MBOAT2: variants seen among roughly 807,000 people sequenced by gnomAD.
MBOAT2 encodes membrane bound glycerophospholipid O-acyltransferase 2.
A neutral mutation model predicts 63.4 loss-of-function variants in MBOAT2; 28 were observed. That is an observed-to-expected ratio of 0.44 (90% CI 0.33 to 0.61). The LOEUF is 0.61. Among genes scored for constraint, MBOAT2 ranks in the 20% least tolerant of loss-of-function variants. The pLI is 0.03. For synonymous variants in MBOAT2, 211 were observed against 215.6 expected, an observed-to-expected ratio of 0.98 and a Z score of 0.19; for missense variants, 470 against 605.8, an observed-to-expected ratio of 0.78 and a Z score of 2.35.
At chr2:8,999,935 C>T (rs139450613) in intron 1 of MBOAT2, among the ~76,000 whole-genome samples, 30 of 152,288 alleles carry the variant, frequency 2.0e-4, no homozygotes, top group African/African-American at 6.3e-4. Context: ...TTAAGCAACC[C>T]AGGAGTCTAA....
intron 6 of MBOAT2, among the ~76,000 whole-genome samples, chr2:8,882,197 CA>C: frequency 6.6e-6 from 1 of 152,216 alleles, no homozygotes; most frequent in East Asian, 1.9e-4. Flanking sequence ...ACATGGCAGA[CA>C]TGAAGACAAT....
intron 1 of MBOAT2, among the ~76,000 whole-genome samples, chr2:8,982,266 G>A (rs1413911373): frequency 6.6e-6 from 1 of 152,144 alleles, no homozygotes; most frequent in South Asian, 2.1e-4. Flanking sequence ...TGAGTAAGAC[G>A]AGTAGGTAAG....
intron 2 of MBOAT2, among the ~76,000 whole-genome samples, chr2:8,950,517 T>A (rs1176496886): frequency 6.6e-6 from 1 of 152,152 alleles, no homozygotes; most frequent in Non-Finnish European, 1.5e-5. Flanking sequence ...AAGCTCCGCC[T>A]CCCGGGTTCA....
At chr2:8,873,499 A>C (rs1662490334) in intron 7 of MBOAT2, among the ~76,000 whole-genome samples, 199 bp from the exon 8 acceptor site, 2 of 152,182 alleles carry the variant, frequency 1.3e-5, no homozygotes, top group Non-Finnish European at 2.9e-5. Flanking sequence ...TGTATCTATA[A>C]GTACTACCTA....
At chr2:8,960,760 C>T (rs1263754023) in intron 1 of MBOAT2, among the ~76,000 whole-genome samples, 3 of 152,184 alleles carry the variant, frequency 2.0e-5, no homozygotes, top group Admixed American at 6.5e-5. Flanking sequence ...TCAGGCCTCA[C>T]ACTGGACACT....
intron 1 of MBOAT2, among the ~76,000 whole-genome samples, chr2:8,995,791 C>T (rs994325540): frequency 1.3e-5 from 2 of 152,136 alleles, no homozygotes; most frequent in Non-Finnish European, 2.9e-5. Flanking sequence ...CGGGGTTTCA[C>T]CGTGTTAGCC....
rs1411430647 is a variant in MBOAT2, at chr2:8,907,651, T to C, written c.395+970A>G. ...TCCCAATTCCACTCAATAGCTTCGA[T>C]TAACTAGTTTTTTAGTGCATTTAAA... On this transcript the variant is annotated intron_variant, in intron 4 of 12. Coordinates refer to ENST00000305997, the MANE Select transcript of MBOAT2 (RefSeq NM_138799.4). Among the ~76,000 whole-genome samples the C allele has an allele frequency of 1.6e-4, 24 of 152,246 alleles. 1 individual carries two copies. Among genetic ancestry groups the C allele is most frequent in the Admixed American group, 1.6e-3 (24 of 15,292 alleles).
intron 1 of MBOAT2, among the ~76,000 whole-genome samples, chr2:8,996,402 G>A (rs944562025): frequency 6.6e-6 from 1 of 152,194 alleles, no homozygotes; most frequent in Non-Finnish European, 1.5e-5. Flanking sequence ...TCATATTGAA[G>A]CAACCCTAAC....
chr2:8,939,174 T>A (rs16866852), intron 3 of MBOAT2, among the ~76,000 whole-genome samples: 7,472 of 152,290 alleles, frequency 0.049, 185 homozygotes, highest in Middle Eastern at 0.061. Flanking sequence ...AGTGAATGAA[T>A]CTTTCTACTA....
At chr2:8,895,487 G>A (rs1305137801) in intron 4 of MBOAT2, among the ~76,000 whole-genome samples, 4 of 152,090 alleles carry the variant, frequency 2.6e-5, no homozygotes, top group Admixed American at 6.6e-5. Context: ...CACCCAATTA[G>A]CTAGACACAG....
chr2:8,951,298 G>A (rs1272892356), intron 2 of MBOAT2, among the ~76,000 whole-genome samples: 2 of 151,184 alleles, frequency 1.3e-5, no homozygotes, highest in African/African-American at 4.9e-5. Context: ...TCTGTCTCCT[G>A]AGCTCAAGCA....
chr2:8,916,580 C>A (rs748685898), intron 3 of MBOAT2, among the ~76,000 whole-genome samples: 41 of 152,128 alleles, frequency 2.7e-4, no homozygotes, highest in Non-Finnish European at 5.7e-4. Flanking sequence ...AAAACGAATT[C>A]TTCTCAAAAA....
intron 12 of MBOAT2, among the ~76,000 whole-genome samples, chr2:8,860,208 T>A (rs1450425076): frequency 6.6e-6 from 1 of 152,068 alleles, no homozygotes; most frequent in African/African-American, 2.4e-5. Context: ...AAAAGATAAT[T>A]AATAATTCTT....
intron 2 of MBOAT2, among the ~76,000 whole-genome samples, chr2:8,955,840 C>G (rs1476771827): frequency 6.6e-6 from 1 of 152,182 alleles, no homozygotes; most frequent in African/African-American, 2.4e-5. Context: ...AAACCTTCAG[C>G]AGACAACACT....
At chr2:8,994,367 G>C (rs1399502014) in intron 1 of MBOAT2, among the ~76,000 whole-genome samples, 1 of 152,232 alleles carries the variant, frequency 6.6e-6, no homozygotes, top group Non-Finnish European at 1.5e-5. Flanking sequence ...CTGCTTCCTG[G>C]AGTTGGAGGG....
chr2:8,988,232 G>C (rs1044177485), intron 1 of MBOAT2, among the ~76,000 whole-genome samples: 9 of 152,158 alleles, frequency 5.9e-5, no homozygotes, highest in Admixed American at 5.2e-4. Context: ...GTCATTTGTA[G>C]CATCCTTAAA....
chr2:8,921,120 A>G (rs1021638622), intron 3 of MBOAT2, among the ~76,000 whole-genome samples: 1 of 152,046 alleles, frequency 6.6e-6, no homozygotes, highest in African/African-American at 2.4e-5. Context: ...CCATTTTGCT[A>G]TTTGTTTTAG....
At chr2:8,998,901 G>A (rs1368962186) in intron 1 of MBOAT2, among the ~76,000 whole-genome samples, 3 of 152,072 alleles carry the variant, frequency 2.0e-5, no homozygotes, top group Admixed American at 6.5e-5. Flanking sequence ...ATACATACGT[G>A]CACGCACACA....
At chr2:8,930,443 T>C (rs1667236595) in intron 3 of MBOAT2, among the ~76,000 whole-genome samples, 1 of 152,124 alleles carries the variant, frequency 6.6e-6, no homozygotes, top group African/African-American at 2.4e-5. Flanking sequence ...TATTCCATGG[T>C]GTATATGTGC....
Sources: gnomAD v4.1 joint callset for allele counts (sites outside exome capture counted in the v4.1 genomes callset) on GRCh38, gnomAD v4.1.1 for gene constraint, MANE v1.5 for transcripts, NCBI Gene and HGNC (gene_info 2026-07-23, HGNC 2026-07-21) for gene names.